Variants in PCCA observed in about 807,000 individuals in gnomAD.
PCCA encodes the protein propionyl-CoA carboxylase subunit alpha, also known as propionyl-CoA carboxylase alpha chain, mitochondrial.
A neutral mutation model predicts 101.3 loss-of-function variants in PCCA; 74 were observed. The ratio of observed to expected loss-of-function variants is 0.73; its 90% CI spans 0.61 to 0.89. The LOEUF is 0.89. Ranked by LOEUF, PCCA falls within the 40% of genes least tolerant of loss-of-function variation. The pLI is 0.00. For missense variants in PCCA, 891 were observed against 907.0 expected (o/e 0.98, Z 0.23); for synonymous variants, 294 against 313.6 (o/e 0.94, Z 0.66).
chr13:100,328,369 TATATAA>T (rs2068962393), intron 16 of PCCA, among the ~76,000 whole-genome samples: 1 of 76,176 alleles, frequency 1.3e-5, no homozygotes, highest in African/African-American at 5.2e-5. Context: ...TCTCAAAAAA[TATATAA>T]TAATAATAAT....
At chr13:100,326,714 G>A (rs1052719636) in intron 16 of PCCA, among the ~76,000 whole-genome samples, 1 of 152,018 alleles carries the variant, frequency 6.6e-6, no homozygotes, top group East Asian at 1.9e-4. Flanking sequence ...ACCTGAAGAG[G>A]AGGAGGAAGA....
chr13:100,452,063 C>T (rs1327567197), intron 21 of PCCA, among the ~76,000 whole-genome samples: 1 of 105,216 alleles, frequency 9.5e-6, no homozygotes, highest in Non-Finnish European at 2.0e-5. Context: ...TCTCCTCTTC[C>T]TCCTCTCCCT....
chr13:100,204,736 C>G (rs1257568197), intron 6 of PCCA, among the ~76,000 whole-genome samples: 1 of 152,182 alleles, frequency 6.6e-6, no homozygotes, highest in Admixed American at 6.5e-5. Context: ...CATAGAGTCA[C>G]AGAATTTAGG....
intron 12 of PCCA, among the ~76,000 whole-genome samples, chr13:100,300,001 G>A (rs998696870): frequency 6.6e-5 from 10 of 152,286 alleles, no homozygotes; most frequent in East Asian, 1.9e-4. Flanking sequence ...GGCGTGAAGC[G>A]CCACACCCAT....
At chr13:100,146,175 A>G (rs1192331701) in intron 4 of PCCA, among the ~76,000 whole-genome samples, 1 of 151,538 alleles carries the variant, frequency 6.6e-6, no homozygotes, top group Admixed American at 6.6e-5. Flanking sequence ...TCCTGGCCTC[A>G]AGCGATCTGC....
At chr13:100,403,811 A>G (rs1027008745) in intron 19 of PCCA, among the ~76,000 whole-genome samples, 2 of 152,166 alleles carry the variant, frequency 1.3e-5, no homozygotes, top group Non-Finnish European at 1.5e-5. Context: ...GGTTCCACAC[A>G]GGAAGAGGAG....
intron 6 of PCCA, among the ~76,000 whole-genome samples, chr13:100,208,055 A>C (rs886488001): frequency 2.0e-5 from 3 of 152,074 alleles, no homozygotes; most frequent in African/African-American, 7.2e-5. Context: ...GGACTTGTCT[A>C]ATAACCCCTA....
rs368821982 is a variant in PCCA, at chr13:100,527,788, C to T, written c.2118+36C>T. The stretch of plus-strand genomic sequence containing the variant: ...AAGTCCCCATCAGCCCAGGCCGGCC[C>T]TGTGATGGAGGAACGCCCACCTTTG... On this transcript the variant is annotated intron_variant, in intron 23 of 23. Transcript: ENST00000376285. 76 of 1,476,398 alleles carry T rather than the reference C, an allele frequency of 5.1e-5. No individual in the cohort carries two copies. In the African/African-American group the frequency reaches 7.3e-4, roughly 14 times the overall value. The allele number at this position is 1,476,398 out of a possible 1,614,324, so 91.5% of individuals were successfully genotyped here. A position where few individuals can be genotyped will look rare whatever the true frequency, so the allele number is the denominator to read the frequency against.
chr13:100,323,994 A>T (rs2068359129), intron 16 of PCCA, among the ~76,000 whole-genome samples: 1 of 152,198 alleles, frequency 6.6e-6, no homozygotes, highest in South Asian at 2.1e-4. Context: ...TGAGACTTGA[A>T]TAGTAAAATC....
chr13:100,310,307 A>G (rs2066811762), intron 16 of PCCA, among the ~76,000 whole-genome samples: 1 of 152,202 alleles, frequency 6.6e-6, no homozygotes, highest in South Asian at 2.1e-4. Flanking sequence ...TAAATAAGTT[A>G]CTTGGGAAGA....
At chr13:100,192,520 T>C (rs537731909) in intron 6 of PCCA, among the ~76,000 whole-genome samples, 1 of 152,108 alleles carries the variant, frequency 6.6e-6, no homozygotes, top group African/African-American at 2.4e-5. Context: ...TATAGATGAG[T>C]GCTGGTTGTT....
At chr13:100,444,645 G>A (rs773542554) in intron 20 of PCCA, among the ~76,000 whole-genome samples, 77 of 151,898 alleles carry the variant, frequency 5.1e-4, no homozygotes, top group Non-Finnish European at 9.9e-4. Flanking sequence ...GTTTCACCAT[G>A]TTAGCCAGGA....
chr13:100,318,339 G>GTC (rs372954706), intron 16 of PCCA, among the ~76,000 whole-genome samples: 81 of 151,864 alleles, frequency 5.3e-4, no homozygotes, highest in African/African-American at 1.8e-3. Context: ...CTCTGTCTCT[G>GTC]TCTCTCTCTC....
intron 21 of PCCA, among the ~76,000 whole-genome samples, chr13:100,463,336 G>GTTTTT (rs574359198): frequency 1.7e-5 from 2 of 114,332 alleles, no homozygotes; most frequent in African/African-American, 3.4e-5. Context: ...TATTGGTGTG[G>GTTTTT]TTTTTTTTTT....
At chr13:100,282,026 G>C (rs1006365087) in intron 12 of PCCA, among the ~76,000 whole-genome samples, 1 of 152,176 alleles carries the variant, frequency 6.6e-6, no homozygotes, top group Admixed American at 6.5e-5. Context: ...TTGTGTGATA[G>C]TGAAAAATGG....
intron 19 of PCCA, among the ~76,000 whole-genome samples, chr13:100,376,191 A>G (rs1474760579): frequency 1.3e-5 from 2 of 152,232 alleles, no homozygotes; most frequent in Non-Finnish European, 2.9e-5. Context: ...GCAGAACAGC[A>G]AAGATTGCTG....
At chr13:100,350,221 G>A (rs1192391278) in intron 18 of PCCA, among the ~76,000 whole-genome samples, 2 of 152,148 alleles carry the variant, frequency 1.3e-5, no homozygotes, top group Non-Finnish European at 2.9e-5. Context: ...AAAAGAGCAT[G>A]TGAAATTATA....
chr13:100,287,874 C>T (rs1195285875), intron 12 of PCCA, among the ~76,000 whole-genome samples: 1 of 151,758 alleles, frequency 6.6e-6, no homozygotes, highest in African/African-American at 2.4e-5. Flanking sequence ...TATTTGAATT[C>T]TTAGATGGAT....
intron 19 of PCCA, among the ~76,000 whole-genome samples, chr13:100,406,100 A>AGT (rs2077662319): frequency 6.6e-6 from 1 of 151,314 alleles, no homozygotes; most frequent in Non-Finnish European, 1.5e-5. Context: ...CAGGTCAGTA[A>AGT]CCCTTTACAG....
Sources: gnomAD v4.1 joint callset for allele counts (sites outside exome capture counted in the v4.1 genomes callset) on GRCh38, gnomAD v4.1.1 for gene constraint, MANE v1.5 for transcripts, NCBI Gene and HGNC (gene_info 2026-07-23, HGNC 2026-07-21) for gene names.